GBP2: variants seen among roughly 807,000 people sequenced by gnomAD.
The protein encoded by GBP2 is guanylate-binding protein 2.
Under a neutral mutation model 60.8 loss-of-function variants are expected in GBP2, and 54 were observed. That is an observed-to-expected ratio of 0.89 (90% CI 0.71 to 1.11). The LOEUF (loss-of-function observed/expected upper bound fraction) is 1.11, where lower values mean the gene tolerates loss of function less well. Among genes scored for constraint, GBP2 ranks in the 50% most tolerant of loss-of-function variants. The pLI is 0.00. For synonymous variants in GBP2, 243 were observed against 256.5 expected (o/e 0.95, Z 0.50); for missense variants, 665 against 703.3 (o/e 0.95, Z 0.62).
chr1:89,107,204 ATT>A lies in GBP2; in HGVS notation c.*969_*970del, dbSNP rs554969898. Reference sequence around the variant, plus strand: ...ATTATTCTTGATTTTTCAATCTGTCATTTTTTTTTTTTTAGTAAGTCATTTAC... The same window carrying A: ...ATTATTCTTGATTTTTCAATCTGTCATTTTTTTTTTTAGTAAGTCATTTAC... On this transcript the variant is annotated 3_prime_UTR_variant, in exon 11 of 11. Coordinates refer to ENST00000370466, the MANE Select transcript of GBP2 (RefSeq NM_004120.5). Among the ~76,000 whole-genome samples, 1 of 145,194 alleles carries A rather than the reference ATT, an allele frequency of 6.9e-6. No homozygotes were observed. The highest frequency in any genetic ancestry group is 2.5e-5 in the African/African-American group (1 of 39,732).
At chr1:89,121,105 T>G in intron 3 of GBP2, 38 bp downstream of exon 3, 3 of 1,566,238 alleles carry the variant, frequency 1.9e-6, no homozygotes, top group Non-Finnish European at 2.6e-6. Flanking sequence ...GATTTTAATC[T>G]ACCTAAGTGA....
chr1:89,124,396 C>CCAAA (rs1469381659), intron 1 of GBP2, among the ~76,000 whole-genome samples: 29 of 151,964 alleles, frequency 1.9e-4, no homozygotes, highest in African/African-American at 6.8e-4. Flanking sequence ...GATTTTTTTT[C>CCAAA]TAGATATGTC....
chr1:89,121,771 A>T lies in GBP2; in HGVS notation c.190+6T>A. The T allele has an allele frequency of 6.2e-7, 1 of 1,613,310 alleles. No homozygotes were observed. The highest frequency in any genetic ancestry group is 8.5e-7 in the Non-Finnish European group (1 of 1,179,502). The stretch of plus-strand genomic sequence containing the variant: ...AGGGGCTTAGAGCTTTGCTGGTGTC[A>T]CTCACCGTTTTTCTTCCCAGCCAGC... On this transcript the variant is annotated splice_donor_region_variant and intron_variant, in intron 2 of 10. Transcript: ENST00000370466.
In GBP2 at chr1:89,112,336, G is replaced by A; in HGVS notation, c.1362+136C>T. On this transcript the variant is annotated intron_variant, in intron 8 of 10. Coordinates refer to ENST00000370466, the MANE Select transcript of GBP2 (RefSeq NM_004120.5). ...TCCTGTTATGGTGGGCTCTCTTATT[G>A]AATGAATCAGTAAATGGAAAAATGA... 4.2e-6 allele frequency: 3 copies of A among 709,740 alleles called. No individual in the cohort carries two copies. The South Asian group carries it at 5.3e-5, about 12-fold the overall frequency. The allele number at this position is 709,740 out of a possible 1,614,324, so 44.0% of individuals were successfully genotyped here.
Position 89,106,878 on chromosome 1 carries a change from A to G in GBP2, c.*1297T>C, listed in dbSNP as rs1025217926. 1 of 152,176 alleles carries G rather than the reference A, an allele frequency of 6.6e-6. No individual in the cohort carries two copies. Among genetic ancestry groups the G allele is most frequent in the Non-Finnish European group, 1.5e-5 (1 of 68,032 alleles). 9.4% of individuals were successfully genotyped at this position (152,176 alleles called of 1,614,324 possible). ...TGAAAATGTGAAGGTGGTGGCATCC[A>G]TTTACTCATAGCTGACACTGCAGAA... On this transcript the variant is annotated 3_prime_UTR_variant, in exon 11 of 11. Transcript: ENST00000370466.
chr1:89,107,286 A>C lies in GBP2; in HGVS notation c.*889T>G, dbSNP rs1244955752. On this transcript the variant is annotated 3_prime_UTR_variant, in exon 11 of 11. Transcript: ENST00000370466. ...AGCAGAGGAGCAGAGAGAAAAATGC[A>C]GTCAAGTTTTAGGCTTTATAGGATT... Among the ~76,000 whole-genome samples the C allele has an allele frequency of 2.0e-5, 3 of 152,116 alleles. No homozygotes were observed. Among genetic ancestry groups the C allele is most frequent in the African/African-American group, 7.2e-5 (3 of 41,416 alleles).
chr1:89,118,448 G>A (rs1306775928), intron 4 of GBP2: 1 of 152,156 alleles, frequency 6.6e-6, no homozygotes, highest in Non-Finnish European at 1.5e-5. Flanking sequence ...TAGAGGTTGG[G>A]ATATGCAAGC....
intron 9 of GBP2, 46 bp from the exon 10 acceptor site, chr1:89,109,916 A>T (rs1681130842): frequency 1.3e-6 from 2 of 1,518,396 alleles, no homozygotes; most frequent in Non-Finnish European, 1.8e-6. Context: ...ATTCAATTGT[A>T]GGTGTTCCCT....
chr1:89,112,435 G>A (rs772846905), intron 8 of GBP2, 37 bp downstream of exon 8: 2 of 1,576,066 alleles, frequency 1.3e-6, no homozygotes, highest in Non-Finnish European at 1.7e-6. Flanking sequence ...CATCCCCTCA[G>A]CGAGTCCCAA....
chr1:89,113,971 G>T (rs755941525), intron 7 of GBP2, 45 bp downstream of exon 7: 10 of 1,601,362 alleles, frequency 6.2e-6, no homozygotes, highest in Non-Finnish European at 8.5e-6. Flanking sequence ...TCCCATGAAG[G>T]GCCCATATTT....
intron 10 of GBP2, among the ~76,000 whole-genome samples, chr1:89,109,026 G>C (rs1399669728): frequency 6.6e-6 from 1 of 152,006 alleles, no homozygotes; most frequent in Admixed American, 6.6e-5. Context: ...CTCCTGCATA[G>C]CTGGGATTAC....
In GBP2 at chr1:89,114,270, C is replaced by T. The variant is rs139524367; in HGVS notation, c.895G>A (p.Val299Ile). ...AGATCCCCACTGCTGATGGCATTGA[C>T]GTAGGTCAGCACCAGGCTCTCTAGA... ...PRLESLVLTYVNAISSGDLPC... is the reference protein window; with the variant it reads ...PRLESLVLTYINAISSGDLPC... The change falls in exon 7 of 11, where the codon GTC (valine) becomes ATC (isoleucine). Residue 299 changes from valine (V) to isoleucine (I), a missense_variant. Val to Ile is a conservative substitution (Grantham distance 29). Coordinates refer to ENST00000370466, the MANE Select transcript of GBP2 (RefSeq NM_004120.5). The T allele has an allele frequency of 6.4e-4, 1,028 of 1,614,210 alleles. 5 individuals carry two copies. In the African/African-American group the frequency reaches 9.6e-3, roughly 15 times the overall value.
At chr1:89,119,923 G>A in intron 4 of GBP2, 1 of 403,662 alleles carries the variant, frequency 2.5e-6, no homozygotes, top group East Asian at 5.1e-5. Context: ...TGAAGGTTTG[G>A]ACAGGCATAG....
rs1681055905 is a variant in GBP2 at position 89,106,526 on chromosome 1, G to A, written c.*1649C>T. On this transcript the variant is annotated 3_prime_UTR_variant, in exon 11 of 11. Transcript: ENST00000370466. ...ACAGTGGAAAGATTAAAACAACATT[G>A]AAAAATAATGACAAAAAAGATGAGA... 6.6e-6 allele frequency: 1 copy of A among 152,064 alleles called. No homozygotes were observed. Among genetic ancestry groups the A allele is most frequent in the Admixed American group, 6.5e-5 (1 of 15,268 alleles). The allele number at this position is 152,064 out of a possible 1,614,324, so 9.4% of individuals were successfully genotyped here.
At chr1:89,113,613 C>T (rs1557439202) in intron 7 of GBP2, among the ~76,000 whole-genome samples, 3 of 152,054 alleles carry the variant, frequency 2.0e-5, no homozygotes, top group Admixed American at 6.5e-5. Context: ...TCTTTCTTGG[C>T]CTTCTGAATA....
chr1:89,120,121 A>G, intron 4 of GBP2, 58 bp downstream of exon 4: 1 of 1,282,240 alleles, frequency 7.8e-7, no homozygotes, highest in Non-Finnish European at 1.1e-6. Context: ...TACTTGGTGA[A>G]AAAATGAAGC....
At chr1:89,113,615 T>C (rs1015539494) in intron 7 of GBP2, among the ~76,000 whole-genome samples, 1 of 152,180 alleles carries the variant, frequency 6.6e-6, no homozygotes, top group Non-Finnish European at 1.5e-5. Context: ...TTTCTTGGCC[T>C]TCTGAATATT....
rs879619173 is a variant in GBP2 at position 89,107,772 on chromosome 1, T to TA, written c.*402dup. ...TTCAGCCCTATGCTACGACCATAGT[T>TA]AAATCCCTGAATAAGAGTATAGGAC... On this transcript the variant is annotated 3_prime_UTR_variant, in exon 11 of 11. Transcript: ENST00000370466. Among the ~76,000 whole-genome samples the TA allele has an allele frequency of 6.6e-6, 1 of 152,186 alleles. No individual in the cohort carries two copies. Among genetic ancestry groups the TA allele is most frequent in the Non-Finnish European group, 1.5e-5 (1 of 68,032 alleles).
intron 10 of GBP2, among the ~76,000 whole-genome samples, chr1:89,109,352 G>T (rs1460671504): frequency 6.6e-6 from 1 of 152,170 alleles, no homozygotes; most frequent in Non-Finnish European, 1.5e-5. Flanking sequence ...CTGCTCATGA[G>T]ATTATAATTA....
Sources: allele counts gnomAD v4.1 joint callset (sites outside exome capture counted in the v4.1 genomes callset), GRCh38; gene constraint gnomAD v4.1.1; transcripts MANE v1.5; gene names NCBI Gene and HGNC (gene_info 2026-07-23, HGNC 2026-07-21).